Variants in CHRM3 observed in about 807,000 individuals in gnomAD.
CHRM3 encodes the protein cholinergic receptor muscarinic 3.
In CHRM3, 11 loss-of-function variants were observed where a neutral mutation model predicts 41.8. The observed-to-expected ratio is 0.26, with a 90% CI of 0.17 to 0.44. The LOEUF (loss-of-function observed/expected upper bound fraction) is 0.44. CHRM3 is among the 20% of genes least tolerant of loss of function. CHRM3 has a pLI of 1.00. For synonymous variants in CHRM3, 297 were observed against 301.4 expected, an observed-to-expected ratio of 0.99 and a Z score of 0.15; for missense variants, 571 against 745.4, an observed-to-expected ratio of 0.77 and a Z score of 2.72.
Position 239,787,242 on chromosome 1 carries a change from G to C in CHRM3, c.-146-40010G>C, listed in dbSNP as rs1449885309. On this transcript the variant is annotated intron_variant, in intron 5 of 6. Coordinates refer to ENST00000676153, the MANE Select transcript of CHRM3 (RefSeq NM_001375978.1). ...AGTCATCTCATCATGGTATCCACCT[G>C]GTGGCTGAAGAGCCATGTCTGGAAC... Among the ~76,000 whole-genome samples, 3 of 152,154 alleles carry C rather than the reference G, an allele frequency of 2.0e-5. 1 individual carries two copies. The highest frequency in any genetic ancestry group is 2.0e-4 in the Admixed American group (3 of 15,280).
At chr1:239,828,839 G>A (rs527614077) in intron 6 of CHRM3, among the ~76,000 whole-genome samples, 3 of 152,176 alleles carry the variant, frequency 2.0e-5, no homozygotes, top group African/African-American at 7.2e-5. Flanking sequence ...CCTGCTGTGC[G>A]GATAGCGGAT....
chr1:239,858,424 T>G (rs754299704), intron 6 of CHRM3, among the ~76,000 whole-genome samples: 6 of 151,394 alleles, frequency 4.0e-5, no homozygotes, highest in Non-Finnish European at 8.8e-5. Flanking sequence ...CTACCTGAAA[T>G]CAGACTATCT....
chr1:239,473,571 A>G (rs1398193744), intron 1 of CHRM3, among the ~76,000 whole-genome samples: 1 of 152,156 alleles, frequency 6.6e-6, no homozygotes. Context: ...ACTCCTTGAT[A>G]TTGATATTTT....
rs547674049 is a variant in CHRM3 at position 239,543,601 on chromosome 1, G to A, written c.-421-2040G>A. On this transcript the variant is annotated intron_variant, in intron 2 of 6. Transcript: ENST00000676153. ...CAGCTCACTGCAAGCTCCACCTCCC[G>A]GGTTCACGCCATTCTCCTGCCTCAG... is the stretch of plus-strand genomic sequence containing the variant. Among the ~76,000 whole-genome samples the A allele has an allele frequency of 5.1e-3, 766 of 151,570 alleles. 12 individuals carry two copies. The highest frequency in any genetic ancestry group is 0.017 in the South Asian group (81 of 4,796).
intron 2 of CHRM3, among the ~76,000 whole-genome samples, chr1:239,529,154 G>A (rs896713252): frequency 6.6e-6 from 1 of 152,102 alleles, no homozygotes; most frequent in African/African-American, 2.4e-5. Context: ...CCAAAGAAAT[G>A]CATGTGAGTC....
chr1:239,604,820 T>A (rs1482023835), intron 3 of CHRM3, among the ~76,000 whole-genome samples: 1 of 152,248 alleles, frequency 6.6e-6, no homozygotes, highest in African/African-American at 2.4e-5. Context: ...GCGTGCTAAC[T>A]GATATTTTAG....
chr1:239,675,555 T>C (rs1404472881), intron 4 of CHRM3, among the ~76,000 whole-genome samples: 2 of 152,200 alleles, frequency 1.3e-5, no homozygotes, highest in East Asian at 3.9e-4. Flanking sequence ...TATTGCTCAT[T>C]GTTGTCTGGA....
chr1:239,699,068 G>C (rs770414112), intron 5 of CHRM3, among the ~76,000 whole-genome samples: 1 of 151,952 alleles, frequency 6.6e-6, no homozygotes, highest in Non-Finnish European at 1.5e-5. Flanking sequence ...TAACATATTG[G>C]CATTTTTCTT....
chr1:239,725,162 A>G (rs902737613), intron 5 of CHRM3, among the ~76,000 whole-genome samples: 15 of 151,884 alleles, frequency 9.9e-5, no homozygotes, highest in African/African-American at 2.7e-4. Context: ...TCTTGTCTGG[A>G]GGATAATGGC....
chr1:239,858,692 C>CTTTCTAG (rs1675326207), intron 6 of CHRM3, among the ~76,000 whole-genome samples: 1 of 152,008 alleles, frequency 6.6e-6, no homozygotes, highest in African/African-American at 2.4e-5. Context: ...CCTGTCATCT[C>CTTTCTAG]TTTCTAGTTT....
intron 6 of CHRM3, among the ~76,000 whole-genome samples, chr1:239,832,011 T>C (rs534261472): frequency 9.8e-5 from 15 of 152,340 alleles, no homozygotes; most frequent in African/African-American, 3.4e-4. Flanking sequence ...TCAGTTGTCA[T>C]GCTCATTTTT....
chr1:239,832,707 T>C (rs1672994415), intron 6 of CHRM3, among the ~76,000 whole-genome samples: 1 of 152,008 alleles, frequency 6.6e-6, no homozygotes, highest in African/African-American at 2.4e-5. Context: ...CCAATACTTG[T>C]TTATATACAG....
Position 239,788,896 on chromosome 1 carries a change from A to G in CHRM3, c.-146-38356A>G, listed in dbSNP as rs138525967. Among the ~76,000 whole-genome samples the G allele has an allele frequency of 8.3e-3, 1,268 of 152,358 alleles. 17 individuals carry two copies. Among genetic ancestry groups the G allele is most frequent in the African/African-American group, 0.027 (1,117 of 41,578 alleles). ...TATTTTATGCCATTTTAATTCTTTG[A>G]AAGGATATTTAATGTGTATTAGTTA... On this transcript the variant is annotated intron_variant, in intron 5 of 6. Coordinates refer to ENST00000676153, the MANE Select transcript of CHRM3 (RefSeq NM_001375978.1).
chr1:239,453,118 T>C (rs935490576), intron 1 of CHRM3, among the ~76,000 whole-genome samples: 2 of 152,154 alleles, frequency 1.3e-5, no homozygotes, highest in Non-Finnish European at 2.9e-5. Context: ...CTTCTAATTA[T>C]ATGCTGGGGG....
chr1:239,477,183 C>T (rs1314113961), intron 1 of CHRM3, among the ~76,000 whole-genome samples: 1 of 152,212 alleles, frequency 6.6e-6, no homozygotes, highest in Admixed American at 6.5e-5. Context: ...GACTCAACCA[C>T]TTTTTAGCTG....
chr1:239,591,816 A>G, intron 3 of CHRM3, among the ~76,000 whole-genome samples: 1 of 152,186 alleles, frequency 6.6e-6, no homozygotes, highest in Non-Finnish European at 1.5e-5. Flanking sequence ...TACAAATTTT[A>G]TGTCCTGCAA....
chr1:239,475,073 A>G (rs1001006869), intron 1 of CHRM3, among the ~76,000 whole-genome samples: 1 of 152,062 alleles, frequency 6.6e-6, no homozygotes, highest in African/African-American at 2.4e-5. Context: ...ACATATATAT[A>G]CAATTAAGAG....
chr1:239,881,149 G>A (rs567259959), intron 6 of CHRM3, among the ~76,000 whole-genome samples: 20 of 151,714 alleles, frequency 1.3e-4, no homozygotes, highest in South Asian at 2.1e-4. Context: ...CGGGCGTGGT[G>A]GTGGGCGCCT....
chr1:239,432,446 CTTAA>C (rs1355673016), intron 1 of CHRM3, among the ~76,000 whole-genome samples: 1 of 152,126 alleles, frequency 6.6e-6, no homozygotes, highest in Non-Finnish European at 1.5e-5. Flanking sequence ...TCTAATCTTA[CTTAA>C]TTAGATACCA....
Sources: gnomAD v4.1 joint callset for allele counts (sites outside exome capture counted in the v4.1 genomes callset) on GRCh38, gnomAD v4.1.1 for gene constraint, MANE v1.5 for transcripts, NCBI Gene and HGNC (gene_info 2026-07-23, HGNC 2026-07-21) for gene names.